Variants in SHANK2 observed in about 807,000 individuals in gnomAD.
The protein encoded by SHANK2 is SH3 and multiple ankyrin repeat domains protein 2.
Under a neutral mutation model 133.7 loss-of-function variants are expected in SHANK2, and 43 were observed. That is an observed-to-expected ratio of 0.32 (90% CI 0.25 to 0.41). The LOEUF is 0.41. SHANK2 is among the 10% of genes least tolerant of loss of function. The probability of loss-of-function intolerance (pLI) is 1.00; values close to 1 mark genes in which losing one functional copy is unlikely to be tolerated. For missense variants in SHANK2, 1,994 were observed against 2,235.8 expected, an observed-to-expected ratio of 0.89 and a Z score of 2.18; for synonymous variants, 1,017 against 952.8, an observed-to-expected ratio of 1.07 and a Z score of -1.24.
chr11:70,692,698 A>G (rs1047899365), intron 15 of SHANK2, among the ~76,000 whole-genome samples: 1 of 152,232 alleles, frequency 6.6e-6, no homozygotes, highest in Non-Finnish European at 1.5e-5. Context: ...AATTTCCTGC[A>G]TATCTTGAAT....
chr11:71,112,458 G>A (rs371274907), intron 5 of SHANK2, among the ~76,000 whole-genome samples: 19 of 152,286 alleles, frequency 1.2e-4, no homozygotes, highest in African/African-American at 1.7e-4. Flanking sequence ...AACAAAAACC[G>A]AGAGGATCCT....
intron 15 of SHANK2, among the ~76,000 whole-genome samples, chr11:70,688,507 G>A (rs917452916): frequency 6.6e-6 from 1 of 152,238 alleles, no homozygotes; most frequent in African/African-American, 2.4e-5. Context: ...AGAGACTCAT[G>A]ACCCACTGTG....
At chr11:71,121,296 T>C (rs1555101426) in intron 3 of SHANK2, among the ~76,000 whole-genome samples, 1 of 152,214 alleles carries the variant, frequency 6.6e-6, no homozygotes, top group Non-Finnish European at 1.5e-5. Flanking sequence ...GGCTGAACTG[T>C]GCCCCTCTAA....
chr11:71,180,814 C>T (rs1555113655), intron 2 of SHANK2, among the ~76,000 whole-genome samples: 2 of 152,090 alleles, frequency 1.3e-5, no homozygotes, highest in Non-Finnish European at 2.9e-5. Flanking sequence ...ACCACTCTTA[C>T]ATATACCACT....
intron 14 of SHANK2, among the ~76,000 whole-genome samples, chr11:70,731,863 G>C (rs370519200): frequency 2.0e-5 from 3 of 152,154 alleles, no homozygotes; most frequent in Non-Finnish European, 2.9e-5. Context: ...AGCAGCCCTC[G>C]TCTCAGCTGA....
In SHANK2 at chr11:70,826,126, T is replaced by C. The variant is rs1458307662; in HGVS notation, c.1175-5444A>G. On this transcript the variant is annotated intron_variant, in intron 11 of 25. Transcript: ENST00000601538. ...CGGCCAGTGCCTAGCAGCCCTCTGG[T>C]CACTGAGGACTATAGTCAAAACTTC... is the stretch of plus-strand genomic sequence containing the variant. Among the ~76,000 whole-genome samples the C allele has an allele frequency of 2.0e-5, 3 of 152,276 alleles. No homozygotes were observed. In the East Asian group the frequency reaches 5.8e-4, roughly 29 times the overall value.
At chr11:70,630,805 T>C (rs1252889982) in intron 17 of SHANK2, among the ~76,000 whole-genome samples, 1 of 152,050 alleles carries the variant, frequency 6.6e-6, no homozygotes, top group East Asian at 1.9e-4. Context: ...TCCAGAACTG[T>C]GAGGGGAGAC....
chr11:70,645,873 C>T (rs2061253347), intron 17 of SHANK2, among the ~76,000 whole-genome samples: 1 of 152,082 alleles, frequency 6.6e-6, no homozygotes, highest in African/African-American at 2.4e-5. Flanking sequence ...GAGCCGGAGC[C>T]AGACTTGGGT....
intron 17 of SHANK2, among the ~76,000 whole-genome samples, chr11:70,597,697 A>T (rs1251494132): frequency 1.3e-5 from 2 of 152,146 alleles, no homozygotes; most frequent in African/African-American, 4.8e-5. Flanking sequence ...ACATGGCGAA[A>T]CCTCATCCCT....
At chr11:70,685,912 A>G (rs374733316) in intron 15 of SHANK2, among the ~76,000 whole-genome samples, 4 of 151,996 alleles carry the variant, frequency 2.6e-5, no homozygotes, top group East Asian at 1.9e-4. Context: ...CCCTTACCCC[A>G]AGTCACAGAT....
At chr11:70,840,223 C>T (rs1274055117) in intron 11 of SHANK2, among the ~76,000 whole-genome samples, 3 of 152,204 alleles carry the variant, frequency 2.0e-5, no homozygotes, top group Non-Finnish European at 2.9e-5. Flanking sequence ...AGAGGTGTCC[C>T]GACTCCTGGA....
chr11:71,205,739 G>T (rs1954114346), intron 2 of SHANK2, among the ~76,000 whole-genome samples: 1 of 152,196 alleles, frequency 6.6e-6, no homozygotes, highest in Non-Finnish European at 1.5e-5. Context: ...GTGCATCTGG[G>T]CATGTTGGGT....
chr11:71,109,529 T>C (rs962991391), intron 6 of SHANK2, among the ~76,000 whole-genome samples: 1 of 152,192 alleles, frequency 6.6e-6, no homozygotes, highest in Non-Finnish European at 1.5e-5. Flanking sequence ...GGGAATAAGA[T>C]GCATGGGTGC....
At chr11:71,155,886 C>T (rs1249043537) in intron 2 of SHANK2, among the ~76,000 whole-genome samples, 1 of 152,168 alleles carries the variant, frequency 6.6e-6, no homozygotes, top group Non-Finnish European at 1.5e-5. Context: ...ATCCCCGGGG[C>T]CTGGAAAAGT....
chr11:71,247,004 T>C (rs1469014530), intron 1 of SHANK2, among the ~76,000 whole-genome samples: 1 of 152,258 alleles, frequency 6.6e-6, no homozygotes, highest in Non-Finnish European at 1.5e-5. Flanking sequence ...CTCCAGGTCA[T>C]GGGAAATTTT....
intron 11 of SHANK2, among the ~76,000 whole-genome samples, chr11:70,827,690 AACACACACACACACACACAC>A (rs113156725): frequency 2.0e-4 from 26 of 130,496 alleles, no homozygotes; most frequent in South Asian, 7.9e-4. Flanking sequence ...AGAAATTTAA[AACACACACACACACACACAC>A]ACACACACAC....
chr11:70,931,447 G>C (rs1193939685), intron 10 of SHANK2, among the ~76,000 whole-genome samples: 1 of 152,130 alleles, frequency 6.6e-6, no homozygotes, highest in Non-Finnish European at 1.5e-5. Context: ...CTACCCCTCC[G>C]AACAGCCCTC....
chr11:70,613,754 G>A (rs1213022152), intron 17 of SHANK2, among the ~76,000 whole-genome samples: 4 of 122,108 alleles, frequency 3.3e-5, no homozygotes, highest in Admixed American at 1.9e-4. Flanking sequence ...TGTAAGAAGA[G>A]GGGAACTTGT....
rs555218781 is a variant in SHANK2, at chr11:71,175,551, GGAGAGAGAGAGAGAGAGAGAGA to G, written c.-12-28235_-12-28214del. 4.9e-5 allele frequency among the ~76,000 whole-genome samples: 2 copies of G among 40,652 alleles called. No homozygotes were observed. The highest frequency in any genetic ancestry group is 1.6e-4 in the African/African-American group (2 of 12,206). 26.7% of individuals were successfully genotyped at this position (40,652 alleles called of 152,430 possible). A position where few individuals can be genotyped will look rare whatever the true frequency, so the allele number is the denominator to read the frequency against. On this transcript the variant is annotated intron_variant, in intron 2 of 25. Transcript: ENST00000601538. This position sits in a 1 kb window ranked among gnomAD's most constrained non-coding sequence, Gnocchi z 4.2. Reference sequence around the variant, plus strand: ...CAGACAGACAGAGGGAGAGGGAGAGGGAGAGAGAGAGAGAGAGAGAGAGAGAGAGAGAGAGAGAGAGAGAGAG... The same window carrying G: ...CAGACAGACAGAGGGAGAGGGAGAGGGAGAGAGAGAGAGAGAGAGAGAGAG...
Sources: gnomAD v4.1 joint callset for allele counts (sites outside exome capture counted in the v4.1 genomes callset) on GRCh38, gnomAD v4.1.1 for gene constraint, Gnocchi (gnomAD v3.1) non-coding constraint, MANE v1.5 for transcripts, NCBI Gene and HGNC (gene_info 2026-07-23, HGNC 2026-07-21) for gene names.